ME2: variants seen among roughly 807,000 people sequenced by gnomAD.
ME2 encodes the protein malic enzyme 2.
ME2 carries 60 observed loss-of-function variants against 73.7 expected under a neutral mutation model. The ratio of observed to expected loss-of-function variants is 0.81; its 90% CI spans 0.66 to 1.01. The LOEUF is 1.01. Among genes scored for constraint, ME2 ranks in the 50% least tolerant of loss-of-function variants. The probability of loss-of-function intolerance (pLI) is 0.00; values close to 1 mark genes in which losing one functional copy is unlikely to be tolerated. For synonymous variants in ME2, 199 were observed against 236.9 expected (o/e 0.84, Z 1.47); for missense variants, 594 against 705.5 (o/e 0.84, Z 1.79).
chr18:50,947,012 T>G lies in ME2; in HGVS notation c.1588-5T>G, dbSNP rs1330579123. 6.2e-7 allele frequency: 1 copy of G among 1,607,230 alleles called. No homozygotes were observed. Among genetic ancestry groups the G allele is most frequent in the East Asian group, 2.2e-5 (1 of 44,854 alleles). ...GCCTACACAATAACCTTACTTATTT[T>G]TCAGGTTACAGAATACCTATATGCT... On this transcript the variant is annotated splice_polypyrimidine_tract_variant and splice_region_variant and intron_variant, in intron 15 of 15. Coordinates refer to ENST00000321341, the MANE Select transcript of ME2 (RefSeq NM_002396.5).
chr18:50,924,544 G>A (rs1917501855), intron 11 of ME2, among the ~76,000 whole-genome samples: 1 of 150,442 alleles, frequency 6.6e-6, no homozygotes, highest in African/African-American at 2.5e-5. Flanking sequence ...GGGCAACAAA[G>A]CTGAAAACTT....
At chr18:50,943,789 A>G (rs1036363438) in intron 15 of ME2, among the ~76,000 whole-genome samples, 4 of 152,184 alleles carry the variant, frequency 2.6e-5, no homozygotes, top group African/African-American at 9.6e-5. Context: ...ATGCCAGGCT[A>G]AGGAGTATGA....
intron 15 of ME2, 119 bp downstream of exon 15, chr18:50,940,505 C>T: frequency 1.4e-6 from 1 of 694,014 alleles, no homozygotes; most frequent in Non-Finnish European, 2.4e-6. Flanking sequence ...AAATTTTAGG[C>T]CCATATTCTT....
chr18:50,895,955 T>C lies in ME2; in HGVS notation c.108+27T>C, dbSNP rs558932536. The C allele has an allele frequency of 3.5e-6, 5 of 1,428,390 alleles. No homozygotes were observed. The East Asian group carries it at 9.1e-5, about 26-fold the overall frequency. 88.5% of individuals were successfully genotyped at this position (1,428,390 alleles called of 1,614,324 possible). The stretch of plus-strand genomic sequence containing the variant: ...TTAGTAACATTAATATCAATGTACA[T>C]TTTCTCTCTTCTTATTAAAGTTTGA... On this transcript the variant is annotated intron_variant, in intron 2 of 15. Coordinates refer to ENST00000321341, the MANE Select transcript of ME2 (RefSeq NM_002396.5).
At chr18:50,943,134 T>C (rs1918002562) in intron 15 of ME2, among the ~76,000 whole-genome samples, 1 of 152,004 alleles carries the variant, frequency 6.6e-6, no homozygotes, top group African/African-American at 2.4e-5. Context: ...TAGCTTTTGA[T>C]TGAAATAAGT....
intron 2 of ME2, among the ~76,000 whole-genome samples, chr18:50,906,199 T>C (rs1917015891): frequency 2.0e-5 from 3 of 152,202 alleles, no homozygotes; most frequent in Admixed American, 1.3e-4. Context: ...AGTTTCATGA[T>C]TTTTTGTTGA....
At chr18:50,889,611 C>T (rs566494749) in intron 1 of ME2, among the ~76,000 whole-genome samples, 1 of 152,070 alleles carries the variant, frequency 6.6e-6, no homozygotes, top group Non-Finnish European at 1.5e-5. Context: ...ACTTGTTAAG[C>T]GTTCCTAATA....
intron 1 of ME2, among the ~76,000 whole-genome samples, chr18:50,879,659 G>A (rs528975288): frequency 1.3e-5 from 2 of 152,226 alleles, no homozygotes; most frequent in African/African-American, 2.4e-5. Context: ...CGCTCTTTCT[G>A]CACCCCTCCA....
At chr18:50,888,034 G>A (rs623306) in intron 1 of ME2, among the ~76,000 whole-genome samples, 48,122 of 152,020 alleles carry the variant, frequency 0.32, 8,053 homozygotes, top group Non-Finnish European at 0.38. Context: ...GTTAGGTGGT[G>A]GATAAATTGC....
At chr18:50,901,536 T>C (rs560774973) in intron 2 of ME2, among the ~76,000 whole-genome samples, 2 of 152,332 alleles carry the variant, frequency 1.3e-5, no homozygotes, top group Admixed American at 1.3e-4. Context: ...TAGTGTGGAT[T>C]TAAAGCTTTT....
chr18:50,930,616 T>C (rs1333402259), intron 12 of ME2, among the ~76,000 whole-genome samples: 1 of 152,216 alleles, frequency 6.6e-6, no homozygotes, highest in African/African-American at 2.4e-5. Context: ...CGTGAACTGC[T>C]ATAGAATCTT....
At chr18:50,903,664 G>T (rs1916942466) in intron 2 of ME2, among the ~76,000 whole-genome samples, 2 of 152,110 alleles carry the variant, frequency 1.3e-5, no homozygotes, top group Admixed American at 1.3e-4. Context: ...GCCCTAGCTG[G>T]TCTCAAACTC....
chr18:50,908,961 T>C (rs180739159), intron 3 of ME2, among the ~76,000 whole-genome samples: 5,182 of 146,064 alleles, frequency 0.035, 140 homozygotes, highest in Middle Eastern at 0.069. Flanking sequence ...CTTTTCTTTT[T>C]TTTTTTTTTT....
At chr18:50,883,868 CAAAA>C (rs1348443085) in intron 1 of ME2, among the ~76,000 whole-genome samples, 1 of 151,546 alleles carries the variant, frequency 6.6e-6, no homozygotes, top group Non-Finnish European at 1.5e-5. Flanking sequence ...GTCTAAAAAA[CAAAA>C]AAAGAAACTC....
intron 3 of ME2, 65 bp downstream of exon 3, chr18:50,908,261 G>T: frequency 1.7e-6 from 2 of 1,151,026 alleles, no homozygotes; most frequent in East Asian, 2.6e-5. Flanking sequence ...TGAGCATTAT[G>T]GTTATTATGG....
At chr18:50,944,237 A>G (rs1035868930) in intron 15 of ME2, among the ~76,000 whole-genome samples, 2 of 152,090 alleles carry the variant, frequency 1.3e-5, no homozygotes, top group Non-Finnish European at 2.9e-5. Flanking sequence ...AGAGAGAGAA[A>G]TAATTGGTAT....
chr18:50,904,629 G>A (rs1916973058), intron 2 of ME2, among the ~76,000 whole-genome samples: 1 of 152,040 alleles, frequency 6.6e-6, no homozygotes, highest in African/African-American at 2.4e-5. Flanking sequence ...TGTTGGTCAG[G>A]CTGGTCTCAA....
At position 50,879,134 on chromosome 18, in the gene ME2, G is replaced by C. The variant is rs564963370; in HGVS notation, c.-187G>C. The C allele has an allele frequency of 2.6e-5, 4 of 152,196 alleles. No homozygotes were observed. Among genetic ancestry groups the C allele is most frequent in the African/African-American group, 4.8e-5 (2 of 41,442 alleles). 9.4% of individuals were successfully genotyped at this position (152,196 alleles called of 1,614,324 possible). A position where few individuals can be genotyped will look rare whatever the true frequency, so the allele number is the denominator to read the frequency against. ...CCCTCCCCTCTCTCGGCCGCTCTTC[G>C]GGCCGCCTCTGCGTGTGGGGCCGCC... is the stretch of plus-strand genomic sequence containing the variant. On this transcript the variant is annotated 5_prime_UTR_variant, in exon 1 of 16. Transcript: ENST00000321341.
intron 2 of ME2, among the ~76,000 whole-genome samples, chr18:50,898,675 C>A (rs1189556415): frequency 1.3e-5 from 2 of 152,070 alleles, no homozygotes; most frequent in Non-Finnish European, 2.9e-5. Flanking sequence ...TCAGGTGATC[C>A]GCCTGCCTTG....
Sources: gnomAD v4.1 joint callset for allele counts (sites outside exome capture counted in the v4.1 genomes callset) on GRCh38, gnomAD v4.1.1 for gene constraint, MANE v1.5 for transcripts, NCBI Gene and HGNC (gene_info 2026-07-23, HGNC 2026-07-21) for gene names.